Variants in DGKH observed in about 807,000 individuals in gnomAD.
The protein encoded by DGKH is DAG kinase eta.
A neutral mutation model predicts 159.3 loss-of-function variants in DGKH; 90 were observed. The observed-to-expected ratio is 0.57, with a 90% confidence interval of 0.48 to 0.67. The LOEUF (loss-of-function observed/expected upper bound fraction) is 0.67. DGKH is among the 30% of genes least tolerant of loss of function. The pLI is 0.00. For missense variants in DGKH, 1,181 were observed against 1,506.1 expected, an observed-to-expected ratio of 0.78 and a Z score of 3.57; for synonymous variants, 536 against 553.8, an observed-to-expected ratio of 0.97 and a Z score of 0.45.
chr13:42,182,204 T>C (rs572455142), intron 13 of DGKH, among the ~76,000 whole-genome samples: 1 of 152,274 alleles, frequency 6.6e-6, no homozygotes, highest in East Asian at 1.9e-4. Flanking sequence ...CCATCACAAA[T>C]GGGCAGTGGC....
Position 42,165,428 on chromosome 13 carries a change from C to A in DGKH, c.953C>A (p.Ser318Tyr). Residue 318 changes from serine to tyrosine, a missense_variant, in exon 8 of 30, where the codon TCC (serine) becomes TAC (tyrosine). Around this residue, in one of 5 missense-constraint regions of DGKH, gnomAD observed 369 missense variants for 519.4 expected, o/e 0.71. Transcript: ENST00000337343. ...IPPIALNSTD[S>Y]DGFCRATFSF... ...CCAATTGCACTAAACAGCACCGATT[C>A]CGATGGTATGTAGCAGTAGTGTAAG... 6.5e-7 allele frequency: 1 copy of A among 1,548,244 alleles called. No individual in the cohort carries two copies. The highest frequency in any genetic ancestry group is 8.8e-7 in the Non-Finnish European group (1 of 1,141,436).
chr13:42,238,887 C>A lies in DGKH; in HGVS notation c.*9699C>A, dbSNP rs1007195089. The A allele has an allele frequency of 6.6e-6, 1 of 151,968 alleles. No individual in the cohort carries two copies. Among genetic ancestry groups the A allele is most frequent in the Non-Finnish European group, 1.5e-5 (1 of 67,970 alleles). The allele number at this position is 151,968 out of a possible 1,614,324, so 9.4% of individuals were successfully genotyped here. A position where few individuals can be genotyped will look rare whatever the true frequency, so the allele number is the denominator to read the frequency against. ...TATCTGATTCTTGACCTAAAGGTTT[C>A]TTTGCTAAATCTGATATTTATTATA... On this transcript the variant is annotated 3_prime_UTR_variant, in exon 30 of 30. Transcript: ENST00000337343.
At chr13:42,083,847 G>T (rs993765100) in intron 1 of DGKH, among the ~76,000 whole-genome samples, 1 of 152,142 alleles carries the variant, frequency 6.6e-6, no homozygotes, top group Admixed American at 6.5e-5. Context: ...GGAAACCAAC[G>T]ATATTTTCTC....
At chr13:42,118,794 T>C (rs1955010993) in intron 1 of DGKH, among the ~76,000 whole-genome samples, 1 of 152,156 alleles carries the variant, frequency 6.6e-6, no homozygotes, top group Non-Finnish European at 1.5e-5. Context: ...GCTTGGACTT[T>C]ATGTAGCAGG....
At chr13:42,157,759 T>G (rs146553403) in intron 5 of DGKH, among the ~76,000 whole-genome samples, 7 of 152,306 alleles carry the variant, frequency 4.6e-5, no homozygotes, top group African/African-American at 1.7e-4. Context: ...ATTATTATTA[T>G]TGTTATTATT....
At chr13:42,153,023 T>C (rs1009306226) in intron 3 of DGKH, among the ~76,000 whole-genome samples, 1 of 150,916 alleles carries the variant, frequency 6.6e-6, no homozygotes, top group Non-Finnish European at 1.5e-5. Flanking sequence ...ACAAGGCCTA[T>C]AAATCAAAAT....
intron 1 of DGKH, among the ~76,000 whole-genome samples, chr13:42,119,154 T>TG (rs1275878320): frequency 6.6e-6 from 1 of 152,206 alleles, no homozygotes; most frequent in Non-Finnish European, 1.5e-5. Flanking sequence ...GCTCATCATA[T>TG]AACTCTCCGG....
At chr13:42,169,712 T>C (rs1490265619) in intron 11 of DGKH, among the ~76,000 whole-genome samples, 1 of 152,204 alleles carries the variant, frequency 6.6e-6, no homozygotes, top group Admixed American at 6.5e-5. Flanking sequence ...ACCTAATTAA[T>C]TGTAACCTTG....
At chr13:42,202,037 A>G (rs1192155373) in intron 20 of DGKH, among the ~76,000 whole-genome samples, 1 of 152,212 alleles carries the variant, frequency 6.6e-6, no homozygotes, top group Non-Finnish European at 1.5e-5. Flanking sequence ...CCATGAAGTT[A>G]ACAAGTCACC....
chr13:42,123,427 T>G (rs993199173), intron 1 of DGKH, among the ~76,000 whole-genome samples: 2 of 152,284 alleles, frequency 1.3e-5, no homozygotes, highest in South Asian at 4.1e-4. Context: ...TCTTTGTGAC[T>G]TTGGGTTAGA....
chr13:42,159,241 G>GTT, intron 5 of DGKH, 25 bp from the exon 6 acceptor site: 2 of 188,616 alleles, frequency 1.1e-5, no homozygotes, highest in African/African-American at 9.2e-5. Flanking sequence ...AAAAGCAGTT[G>GTT]CTCTTTTTTT....
At chr13:42,201,652 G>T (rs555656446) in intron 20 of DGKH, among the ~76,000 whole-genome samples, 17 of 152,026 alleles carry the variant, frequency 1.1e-4, no homozygotes, top group Non-Finnish European at 1.9e-4. Flanking sequence ...TGGCATTCTG[G>T]TGAAAATAAA....
intron 1 of DGKH, among the ~76,000 whole-genome samples, chr13:42,043,252 G>C (rs1015013952): frequency 1.3e-5 from 2 of 152,150 alleles, no homozygotes; most frequent in African/African-American, 4.8e-5. Context: ...GAGTACCACA[G>C]ATTTCTTTAA....
rs1033116596 is a variant in DGKH, at chr13:42,242,838, C to G, written c.*13650C>G. 1 of 152,140 alleles carries G rather than the reference C, an allele frequency of 6.6e-6. No homozygotes were observed. The highest frequency in any genetic ancestry group is 6.5e-5 in the Admixed American group (1 of 15,272). The allele number at this position is 152,140 out of a possible 1,614,324, so 9.4% of individuals were successfully genotyped here. The stretch of plus-strand genomic sequence containing the variant: ...GTACATGATGATGAAAGACATCTTT[C>G]CCAAAGGGCACTGCCTTGAGATCAT... On this transcript the variant is annotated 3_prime_UTR_variant, in exon 30 of 30. Coordinates refer to ENST00000337343, the MANE Select transcript of DGKH (RefSeq NM_178009.5).
intron 1 of DGKH, among the ~76,000 whole-genome samples, chr13:42,040,296 C>T (rs1423753758): frequency 6.6e-6 from 1 of 152,138 alleles, no homozygotes; most frequent in Non-Finnish European, 1.5e-5. Context: ...CGTCTGCTCC[C>T]GTCGCCAGCG....
intron 1 of DGKH, among the ~76,000 whole-genome samples, chr13:42,050,712 G>A (rs1881214407): frequency 1.3e-5 from 2 of 152,158 alleles, no homozygotes; most frequent in South Asian, 4.2e-4. Flanking sequence ...TATAGGGGCC[G>A]GGCATGGTGG....
At chr13:42,218,692 A>G (rs747170742) in intron 26 of DGKH, among the ~76,000 whole-genome samples, 23 of 152,000 alleles carry the variant, frequency 1.5e-4, no homozygotes, top group Non-Finnish European at 2.6e-4. Context: ...TATTTTTAGT[A>G]GAGGCGGGGT....
intron 7 of DGKH, among the ~76,000 whole-genome samples, chr13:42,162,784 A>G (rs1043053716): frequency 6.6e-6 from 1 of 152,002 alleles, no homozygotes. Flanking sequence ...AGCTTGGGCA[A>G]CAAGAGTGAA....
chr13:42,185,249 G>A (rs1368271545), intron 13 of DGKH, among the ~76,000 whole-genome samples: 2 of 152,148 alleles, frequency 1.3e-5, no homozygotes, highest in African/African-American at 4.8e-5. Context: ...ATTCCTTTTA[G>A]CATATGGAAC....
Sources: gnomAD v4.1 joint callset for allele counts (sites outside exome capture counted in the v4.1 genomes callset) on GRCh38, gnomAD v4.1.1 for gene constraint, gnomAD v4.1.1 regional missense constraint, MANE v1.5 for transcripts, NCBI Gene and HGNC (gene_info 2026-07-23, HGNC 2026-07-21) for gene names.